HDHD2: variants seen among roughly 807,000 people sequenced by gnomAD.
The protein encoded by HDHD2 is haloacid dehalogenase like hydrolase domain containing 2.
HDHD2 carries 26 observed loss-of-function variants against 24.8 expected under a neutral mutation model. The ratio of observed to expected loss-of-function variants is 1.05; its 90% CI spans 0.77 to 1.45. HDHD2 has a LOEUF of 1.45. Ranked by LOEUF, HDHD2 falls within the 40% of genes most tolerant of loss-of-function variation. The pLI is 0.00. For synonymous variants in HDHD2, 128 were observed against 114.9 expected (o/e 1.11, Z -0.73); for missense variants, 299 against 313.4 (o/e 0.95, Z 0.35).
At chr18:47,138,712 C>A (rs2571001) in intron 1 of HDHD2, among the ~76,000 whole-genome samples, 64,626 of 152,010 alleles carry the variant, frequency 0.43, 14,205 homozygotes, top group Middle Eastern at 0.55. Context: ...ACTCCCATAG[C>A]CTTTGTTGAA....
chr18:47,142,662 A>G (rs187650625), intron 1 of HDHD2, among the ~76,000 whole-genome samples: 13 of 152,342 alleles, frequency 8.5e-5, no homozygotes, highest in African/African-American at 2.9e-4. Context: ...ATGTGATTAT[A>G]TAAGAATAAG....
chr18:47,115,321 T>C lies in HDHD2; in HGVS notation c.423A>G (p.Ile141Met). 1 of 1,613,928 alleles carries C rather than the reference T, an allele frequency of 6.2e-7. No individual in the cohort carries two copies. The highest frequency in any genetic ancestry group is 8.5e-7 in the Non-Finnish European group (1 of 1,179,866). Residue 141 changes from isoleucine (I) to methionine (M), a missense_variant, in exon 5 of 7, where the codon ATA becomes ATG. Physicochemically the swap from Ile to Met is conservative, Grantham distance 10. Coordinates refer to ENST00000300605, the MANE Select transcript of HDHD2 (RefSeq NM_032124.5). Reference protein sequence around the residue: ...FRLLLDGAPLIAIHKARYYKR... With the variant: ...FRLLLDGAPLMAIHKARYYKR... ...TGTAATACCTGGCTTTGTGGATTGCTATCAGAGGTGCTCCATCCAGGAGTA... is the reference window on the plus strand; with the variant it reads ...TGTAATACCTGGCTTTGTGGATTGCCATCAGAGGTGCTCCATCCAGGAGTA...
At chr18:47,122,064 T>C (rs1027405493) in intron 4 of HDHD2, among the ~76,000 whole-genome samples, 2 of 152,154 alleles carry the variant, frequency 1.3e-5, no homozygotes, top group African/African-American at 2.4e-5. Flanking sequence ...TCTTCCTCAC[T>C]AGAACAGTCT....
At chr18:47,110,527 C>A in intron 6 of HDHD2, 1 of 985,294 alleles carries the variant, frequency 1.0e-6, no homozygotes, top group Middle Eastern at 5.2e-4. Flanking sequence ...AAATAAGCTT[C>A]CTAGCCATGG....
rs185019915 is a variant in HDHD2 at position 47,119,131 on chromosome 18, C to T, written c.396-3783G>A. ...TCATAATCTTTTTGTGGGCAGAAGGCCTTGCCTCGATGTTGATGGCTGCTG... is the reference window on the plus strand; with the variant it reads ...TCATAATCTTTTTGTGGGCAGAAGGTCTTGCCTCGATGTTGATGGCTGCTG... On this transcript the variant is annotated intron_variant, in intron 4 of 6. Transcript: ENST00000300605. 1.4e-4 allele frequency among the ~76,000 whole-genome samples: 22 copies of T among 152,304 alleles called. No homozygotes were observed. In the East Asian group the frequency reaches 4.0e-3, roughly 28 times the overall value.
intron 1 of HDHD2, among the ~76,000 whole-genome samples, chr18:47,144,067 A>ATG (rs374300417): frequency 2.0e-4 from 31 of 151,744 alleles, no homozygotes; most frequent in South Asian, 8.3e-4. Flanking sequence ...AATTATACAC[A>ATG]TGTGTGTGTG....
intron 5 of HDHD2, among the ~76,000 whole-genome samples, chr18:47,113,952 G>A (rs1383413929): frequency 6.6e-6 from 1 of 152,114 alleles, no homozygotes; most frequent in Non-Finnish European, 1.5e-5. Context: ...GTGGGGGGCA[G>A]GGAACCACCA....
At chr18:47,138,112 C>T (rs1345901042) in intron 1 of HDHD2, among the ~76,000 whole-genome samples, 1 of 122,560 alleles carries the variant, frequency 8.2e-6, no homozygotes, top group East Asian at 2.5e-4. Flanking sequence ...GTGGAGGTTG[C>T]AGTGAGCCGA....
At chr18:47,123,405 T>G (rs2063625904) in intron 4 of HDHD2, among the ~76,000 whole-genome samples, 1 of 152,034 alleles carries the variant, frequency 6.6e-6, no homozygotes, top group Admixed American at 6.6e-5. Flanking sequence ...CTGACCAACA[T>G]GGCAAAACCC....
At chr18:47,143,872 A>T (rs929601848) in intron 1 of HDHD2, among the ~76,000 whole-genome samples, 1 of 152,196 alleles carries the variant, frequency 6.6e-6, no homozygotes, top group African/African-American at 2.4e-5. Context: ...GAGTCCAAAA[A>T]GATCTTGAGC....
At chr18:47,118,422 A>G (rs1432216192) in intron 4 of HDHD2, among the ~76,000 whole-genome samples, 1 of 152,226 alleles carries the variant, frequency 6.6e-6, no homozygotes, top group Admixed American at 6.5e-5. Flanking sequence ...ATGCGGCAAT[A>G]AAAAGGAATT....
intron 4 of HDHD2, among the ~76,000 whole-genome samples, chr18:47,118,658 A>G (rs2635051): frequency 0.56 from 85,122 of 151,994 alleles, 23,958 homozygotes; most frequent in Middle Eastern, 0.61. Flanking sequence ...GGGTTGATAG[A>G]TGCAGCAAAT....
At chr18:47,135,252 T>C (rs2063753559) in intron 2 of HDHD2, among the ~76,000 whole-genome samples, 1 of 150,384 alleles carries the variant, frequency 6.6e-6, no homozygotes, top group South Asian at 2.1e-4. Flanking sequence ...AGTCACTAGA[T>C]TTTTTCTTTT....
At chr18:47,130,219 A>T (rs1046779042) in intron 4 of HDHD2, 25 bp downstream of exon 4, 11 of 1,394,926 alleles carry the variant, frequency 7.9e-6, no homozygotes, top group Non-Finnish European at 1.1e-5. Flanking sequence ...TTATGATCAG[A>T]TGAAAAATAA....
At chr18:47,112,721 A>C (rs931814737) in intron 6 of HDHD2, among the ~76,000 whole-genome samples, 1 of 152,178 alleles carries the variant, frequency 6.6e-6, no homozygotes, top group African/African-American at 2.4e-5. Context: ...CCAGGAAATA[A>C]TATAAATGCT....
At chr18:47,114,890 TATC>T in intron 5 of HDHD2, among the ~76,000 whole-genome samples, 1 of 151,758 alleles carries the variant, frequency 6.6e-6, no homozygotes, top group South Asian at 2.1e-4. Flanking sequence ...TATATATATG[TATC>T]ATAACACACA....
At chr18:47,124,397 G>C (rs894177461) in intron 4 of HDHD2, among the ~76,000 whole-genome samples, 2 of 152,104 alleles carry the variant, frequency 1.3e-5, no homozygotes, top group African/African-American at 2.4e-5. Context: ...CCAAAGTCTT[G>C]TAAGACATAA....
intron 6 of HDHD2, chr18:47,111,381 A>C: frequency 3.1e-6 from 3 of 960,836 alleles, no homozygotes; most frequent in Non-Finnish European, 3.7e-6. Flanking sequence ...AAAAAAAAAA[A>C]AGAAAGAAAG....
At chr18:47,128,551 A>C (rs555174058) in intron 4 of HDHD2, among the ~76,000 whole-genome samples, 1 of 152,364 alleles carries the variant, frequency 6.6e-6, no homozygotes, top group Non-Finnish European at 1.5e-5. Context: ...TTTTAACACC[A>C]TATACACTGA....
Sources: allele counts gnomAD v4.1 joint callset (sites outside exome capture counted in the v4.1 genomes callset), GRCh38; gene constraint gnomAD v4.1.1; transcripts MANE v1.5; gene names NCBI Gene and HGNC (gene_info 2026-07-23, HGNC 2026-07-21).